PEX5L: variants seen among roughly 807,000 people sequenced by gnomAD.
PEX5L encodes the protein PEX5-related protein.
A neutral mutation model predicts 84.0 loss-of-function variants in PEX5L; 30 were observed. The ratio of observed to expected loss-of-function variants is 0.36; its 90% CI spans 0.27 to 0.48. PEX5L has a LOEUF of 0.48. Among genes scored for constraint, PEX5L ranks in the 20% least tolerant of loss-of-function variants. PEX5L has a pLI of 0.99. For missense variants in PEX5L, 533 were observed against 754.6 expected (o/e 0.71, Z 3.44); for synonymous variants, 270 against 283.1 (o/e 0.95, Z 0.46).
At chr3:179,813,664 ATTTTTTTTTTTT>A (rs35351586) in intron 10 of PEX5L, among the ~76,000 whole-genome samples, 3 of 96,420 alleles carry the variant, frequency 3.1e-5, no homozygotes, top group Non-Finnish European at 6.0e-5. Flanking sequence ...CACTCAACTA[ATTTTTTTTTTTT>A]TTTTTTTTTT....
At chr3:180,013,955 G>A (rs1789708619) in intron 1 of PEX5L, among the ~76,000 whole-genome samples, 1 of 151,922 alleles carries the variant, frequency 6.6e-6, no homozygotes, top group African/African-American at 2.4e-5. Context: ...AACCTCTTTA[G>A]CATGTCTGTT....
chr3:179,887,003 A>G (rs547734785), intron 4 of PEX5L, among the ~76,000 whole-genome samples: 3 of 152,356 alleles, frequency 2.0e-5, no homozygotes, highest in South Asian at 4.1e-4. Context: ...TCAATGCAGA[A>G]AGACTGCCTC....
intron 4 of PEX5L, among the ~76,000 whole-genome samples, chr3:179,885,931 G>A (rs1040970622): frequency 1.3e-5 from 2 of 152,182 alleles, no homozygotes; most frequent in Non-Finnish European, 2.9e-5. Context: ...TGTCACAGCA[G>A]CCCTAGGACT....
chr3:179,802,026 C>T lies in PEX5L; in HGVS notation c.1683G>A (p.Ala561=), dbSNP rs753365323. 14 of 1,609,224 alleles carry T rather than the reference C, an allele frequency of 8.7e-6. No homozygotes were observed. The highest frequency in any genetic ancestry group is 1.3e-5 in the African/African-American group (1 of 74,768). ...TGAGGGCAGTGAGAAAATTGCTGAC[C>T]GCTTCTCTAAGAAGGTAGAAAAACA... The part of the protein sequence containing the change: ...SCINLGAYRE[A]VSNFLTALSL... Residue 561 remains alanine (A), a synonymous_variant, in exon 15 of 15, where the codon GCG becomes GCA. Coordinates refer to ENST00000467460, the MANE Select transcript of PEX5L (RefSeq NM_016559.3).
chr3:179,968,091 C>T (rs1451185391), intron 2 of PEX5L, among the ~76,000 whole-genome samples: 1 of 152,094 alleles, frequency 6.6e-6, no homozygotes, highest in Admixed American at 6.6e-5. Flanking sequence ...GCTGTTAAAC[C>T]CATTTTTACA....
At chr3:179,950,035 C>G (rs73883414) in intron 2 of PEX5L, among the ~76,000 whole-genome samples, 2 of 152,116 alleles carry the variant, frequency 1.3e-5, no homozygotes, top group African/African-American at 2.4e-5. Flanking sequence ...GTAAAAGGAC[C>G]GGCCTATTGG....
chr3:179,921,604 T>C (rs1056103), intron 2 of PEX5L: 46,546 of 151,988 alleles, frequency 0.31, 7,546 homozygotes, highest in East Asian at 0.63. Context: ...AAGAGAGACA[T>C]ACGTTATCTA....
intron 2 of PEX5L, among the ~76,000 whole-genome samples, chr3:179,966,646 T>A (rs763362755): frequency 1.3e-5 from 2 of 152,174 alleles, no homozygotes; most frequent in Non-Finnish European, 2.9e-5. Flanking sequence ...GGCCTATATT[T>A]TCCTCTTGAG....
chr3:179,900,669 C>A, intron 2 of PEX5L: 2 of 1,533,504 alleles, frequency 1.3e-6, no homozygotes, highest in Non-Finnish European at 1.7e-6. Context: ...AAAAAACCCA[C>A]CAAAGCCAGG....
At chr3:179,877,704 T>C (rs1241623239) in intron 5 of PEX5L, among the ~76,000 whole-genome samples, 1 of 152,176 alleles carries the variant, frequency 6.6e-6, no homozygotes, top group Non-Finnish European at 1.5e-5. Flanking sequence ...GCACTCCTCC[T>C]GCCTCAGCCT....
At chr3:180,029,878 G>C (rs1028400347) in intron 1 of PEX5L, among the ~76,000 whole-genome samples, 1 of 152,190 alleles carries the variant, frequency 6.6e-6, no homozygotes, top group Non-Finnish European at 1.5e-5. Flanking sequence ...ATGATCAGCA[G>C]ATCACTGAGG....
intron 2 of PEX5L, among the ~76,000 whole-genome samples, chr3:179,938,183 A>G (rs1413192793): frequency 6.6e-6 from 1 of 152,198 alleles, no homozygotes; most frequent in African/African-American, 2.4e-5. Flanking sequence ...ACCTTCTCAA[A>G]TGGAGATTCA....
At chr3:179,914,509 T>C (rs1231149458) in intron 2 of PEX5L, among the ~76,000 whole-genome samples, 1 of 152,220 alleles carries the variant, frequency 6.6e-6, no homozygotes, top group East Asian at 1.9e-4. Context: ...TAAAGTTGGA[T>C]ATTGGTTCTC....
intron 1 of PEX5L, among the ~76,000 whole-genome samples, chr3:179,977,585 A>G (rs982391607): frequency 1.3e-5 from 2 of 152,238 alleles, no homozygotes; most frequent in African/African-American, 2.4e-5. Flanking sequence ...AACAGGAAGT[A>G]AGGAAAAAGG....
intron 3 of PEX5L, among the ~76,000 whole-genome samples, chr3:179,889,243 G>A (rs1756876441): frequency 1.3e-5 from 2 of 152,288 alleles, no homozygotes; most frequent in South Asian, 4.1e-4. Context: ...ATAGTTTAGA[G>A]CTGATGGAAG....
At chr3:179,813,700 C>T (rs1156703724) in intron 10 of PEX5L, among the ~76,000 whole-genome samples, 1 of 147,878 alleles carries the variant, frequency 6.8e-6, no homozygotes, top group Non-Finnish European at 1.5e-5. Context: ...GACGGAGTCC[C>T]GCTGTTTAGC....
chr3:179,948,666 G>A (rs6443679), intron 2 of PEX5L, among the ~76,000 whole-genome samples: 88,202 of 151,410 alleles, frequency 0.58, 26,640 homozygotes, highest in African/African-American at 0.75. Flanking sequence ...CTGGGTAGGT[G>A]CATACTGTAT....
At chr3:180,028,522 T>G (rs184313713) in intron 1 of PEX5L, among the ~76,000 whole-genome samples, 1 of 152,326 alleles carries the variant, frequency 6.6e-6, no homozygotes, top group African/African-American at 2.4e-5. Context: ...TGTCAGTGGT[T>G]TATTGTAATA....
intron 1 of PEX5L, chr3:179,974,039 A>T: frequency 3.0e-6 from 3 of 985,394 alleles, no homozygotes; most frequent in Non-Finnish European, 3.6e-6. Flanking sequence ...TGCGAGCATA[A>T]TCCTCTTTCA....
Sources: allele counts gnomAD v4.1 joint callset (sites outside exome capture counted in the v4.1 genomes callset), GRCh38; gene constraint gnomAD v4.1.1; transcripts MANE v1.5; gene names NCBI Gene and HGNC (gene_info 2026-07-23, HGNC 2026-07-21).